Variants in GALNT17 observed in about 807,000 individuals in gnomAD.
GALNT17 encodes polypeptide N-acetylgalactosaminyltransferase 17.
A neutral mutation model predicts 63.7 loss-of-function variants in GALNT17; 29 were observed. The observed-to-expected ratio is 0.46, with a 90% CI of 0.34 to 0.62. The LOEUF (loss-of-function observed/expected upper bound fraction) is 0.62, where lower values mean the gene tolerates loss of function less well. Ranked by LOEUF, GALNT17 falls within the 20% of genes least tolerant of loss-of-function variation. The pLI, the probability that GALNT17 is intolerant of heterozygous loss-of-function variation, is 0.01. For missense variants in GALNT17, 603 were observed against 799.6 expected (o/e 0.75, Z 2.97); for synonymous variants, 305 against 318.3 (o/e 0.96, Z 0.45).
At chr7:71,331,558 A>C in intron 1 of GALNT17, among the ~76,000 whole-genome samples, 1 of 152,094 alleles carries the variant, frequency 6.6e-6, no homozygotes, top group East Asian at 1.9e-4. Flanking sequence ...AATTGTTTTA[A>C]AAAATTAGCT....
intron 3 of GALNT17, among the ~76,000 whole-genome samples, 163 bp from the exon 4 acceptor site, chr7:71,415,726 C>G (rs1418820695): frequency 6.6e-6 from 1 of 152,204 alleles, no homozygotes; most frequent in Non-Finnish European, 1.5e-5. Context: ...GAGATGTCTT[C>G]TGACTCCTAG....
At chr7:71,457,246 A>C (rs965726294) in intron 5 of GALNT17, among the ~76,000 whole-genome samples, 3 of 152,218 alleles carry the variant, frequency 2.0e-5, no homozygotes, top group Non-Finnish European at 4.4e-5. Flanking sequence ...GGCAAATTGC[A>C]GGGGAGATAT....
chr7:71,144,494 A>G (rs1410791938), intron 1 of GALNT17, among the ~76,000 whole-genome samples: 4 of 152,174 alleles, frequency 2.6e-5, no homozygotes, highest in African/African-American at 9.7e-5. Context: ...ACAAGAGGTC[A>G]CACCTATCTA....
chr7:71,693,013 A>G (rs1309504521), intron 9 of GALNT17, among the ~76,000 whole-genome samples: 3 of 151,788 alleles, frequency 2.0e-5, no homozygotes, highest in Non-Finnish European at 4.4e-5. Context: ...TGCATGAGCC[A>G]CCGCACCCAG....
At chr7:71,359,605 T>TA (rs1792360085) in intron 2 of GALNT17, among the ~76,000 whole-genome samples, 2 of 151,834 alleles carry the variant, frequency 1.3e-5, no homozygotes. Context: ...TTTTTTTTTT[T>TA]AGACAGATCT....
chr7:71,401,642 A>G (rs1793243574), intron 3 of GALNT17, among the ~76,000 whole-genome samples: 1 of 152,150 alleles, frequency 6.6e-6, no homozygotes, highest in Admixed American at 6.5e-5. Context: ...CAGCAGTGGC[A>G]TTAAATTCTT....
intron 6 of GALNT17, among the ~76,000 whole-genome samples, chr7:71,613,138 T>C (rs1291498512): frequency 6.6e-6 from 1 of 152,158 alleles, no homozygotes; most frequent in Non-Finnish European, 1.5e-5. Context: ...CAGCCAAAAA[T>C]ACAGCATGTT....
chr7:71,169,719 C>T (rs1294948172), intron 1 of GALNT17, among the ~76,000 whole-genome samples: 1 of 152,038 alleles, frequency 6.6e-6, no homozygotes, highest in East Asian at 1.9e-4. Flanking sequence ...TCACGCCTGG[C>T]TAATTTTGCT....
chr7:71,165,135 C>T (rs944491634), intron 1 of GALNT17, among the ~76,000 whole-genome samples: 12 of 151,204 alleles, frequency 7.9e-5, no homozygotes, highest in East Asian at 5.8e-4. Context: ...TAATTTGCTT[C>T]GCATTGGTGG....
intron 5 of GALNT17, among the ~76,000 whole-genome samples, chr7:71,425,912 G>A (rs539659658): frequency 1.6e-4 from 24 of 152,272 alleles, no homozygotes; most frequent in African/African-American, 5.8e-4. Context: ...GTCTGGGGAG[G>A]CCTCAGGAAT....
chr7:71,132,667 T>G lies in GALNT17; in HGVS notation c.-136T>G. 1.4e-6 allele frequency: 1 copy of G among 703,186 alleles called. No individual in the cohort carries two copies. The highest frequency in any genetic ancestry group is 2.3e-6 in the Non-Finnish European group (1 of 435,664). The allele number at this position is 703,186 out of a possible 1,614,324, so 43.6% of individuals were successfully genotyped here. ...AGCCGTCTCCGCCGCCCGAGCATCC[T>G]TGAGGTGGGACGAGCAGGGGCTTGG... On this transcript the variant is annotated 5_prime_UTR_variant, in exon 1 of 11. Coordinates refer to ENST00000333538, the MANE Select transcript of GALNT17 (RefSeq NM_022479.3).
chr7:71,570,841 T>G (rs1021135028), intron 5 of GALNT17, among the ~76,000 whole-genome samples: 1 of 151,984 alleles, frequency 6.6e-6, no homozygotes, highest in African/African-American at 2.4e-5. Flanking sequence ...TAGCTGTGCA[T>G]GGTGGCGCAT....
At chr7:71,442,755 G>A (rs558716329) in intron 5 of GALNT17, among the ~76,000 whole-genome samples, 7 of 152,156 alleles carry the variant, frequency 4.6e-5, no homozygotes, top group Non-Finnish European at 1.0e-4. Flanking sequence ...CTTAACTGTT[G>A]TGAATAACAT....
At chr7:71,632,885 C>T (rs983499599) in intron 6 of GALNT17, among the ~76,000 whole-genome samples, 1 of 152,044 alleles carries the variant, frequency 6.6e-6, no homozygotes, top group African/African-American at 2.4e-5. Context: ...GGGTGAATCA[C>T]TTGAGGCCAG....
intron 9 of GALNT17, among the ~76,000 whole-genome samples, chr7:71,691,052 G>C (rs1791436143): frequency 6.6e-6 from 1 of 152,192 alleles, no homozygotes; most frequent in South Asian, 2.1e-4. Flanking sequence ...TCTACTGTGG[G>C]TAAAATGCTA....
intron 1 of GALNT17, among the ~76,000 whole-genome samples, chr7:71,242,501 C>T: frequency 6.6e-6 from 1 of 151,958 alleles, no homozygotes; most frequent in African/African-American, 2.4e-5. Context: ...ATCTCCTGAC[C>T]TCGTGATCCG....
At chr7:71,654,564 A>G (rs1053299121) in intron 6 of GALNT17, among the ~76,000 whole-genome samples, 3 of 152,220 alleles carry the variant, frequency 2.0e-5, no homozygotes, top group African/African-American at 7.2e-5. Context: ...TTTGCATTGT[A>G]TATCAGTGCT....
chr7:71,472,520 C>T (rs897334260), intron 5 of GALNT17, among the ~76,000 whole-genome samples: 1 of 152,022 alleles, frequency 6.6e-6, no homozygotes, highest in African/African-American at 2.4e-5. Flanking sequence ...AACCCCGTGT[C>T]TACTAAAATA....
chr7:71,297,399 C>T (rs1791101839), intron 1 of GALNT17, among the ~76,000 whole-genome samples: 1 of 152,142 alleles, frequency 6.6e-6, no homozygotes, highest in Non-Finnish European at 1.5e-5. Context: ...CAAAAATTAG[C>T]CAGTTGTGAT....
Sources: gnomAD v4.1 joint callset for allele counts (sites outside exome capture counted in the v4.1 genomes callset) on GRCh38, gnomAD v4.1.1 for gene constraint, MANE v1.5 for transcripts, NCBI Gene and HGNC (gene_info 2026-07-23, HGNC 2026-07-21) for gene names.